Variants in LYZL6 observed in about 807,000 individuals in gnomAD.
LYZL6 encodes the protein lysozyme like 6.
In LYZL6, 21 loss-of-function variants were observed where a neutral mutation model predicts 15.0. That is an observed-to-expected ratio of 1.40 (90% confidence interval 1.00 to 2.02). LYZL6 has a LOEUF of 2.02. Among genes scored for constraint, LYZL6 ranks in the 30% most tolerant of loss-of-function variants. The pLI is 0.00. For missense variants in LYZL6, 173 were observed against 180.5 expected (o/e 0.96, Z 0.24); for synonymous variants, 72 against 67.8 (o/e 1.06, Z -0.31).
chr17:35,939,486 A>T lies in LYZL6; in HGVS notation c.-130T>A. ...GGTTTCCTTACTCACTCACTGCTCC[A>T]ACCTGGCTGTTTCCAATCTCTTTTC... is the stretch of plus-strand genomic sequence containing the variant. On this transcript the variant is annotated 5_prime_UTR_variant, in exon 2 of 5. Coordinates refer to ENST00000615905, the MANE Select transcript of LYZL6 (RefSeq NM_020426.4). 2 of 729,892 alleles carry T rather than the reference A, an allele frequency of 2.7e-6. No homozygotes were observed. Among genetic ancestry groups the T allele is most frequent in the Non-Finnish European group, 4.5e-6 (2 of 445,212 alleles). 45.2% of individuals were successfully genotyped at this position (729,892 alleles called of 1,614,324 possible).
chr17:35,935,135 G>C (rs1266967171), intron 4 of LYZL6, among the ~76,000 whole-genome samples: 1 of 144,998 alleles, frequency 6.9e-6, no homozygotes, highest in Non-Finnish European at 1.5e-5. Context: ...ACAGGGCTGA[G>C]AGTTACTTAT....
At chr17:35,936,627 C>A in intron 4 of LYZL6, 128 bp downstream of exon 4, 1 of 718,742 alleles carries the variant, frequency 1.4e-6, no homozygotes, top group Non-Finnish European at 2.4e-6. Context: ...GTTCCAAGCC[C>A]GTCCGCTATC....
At position 35,937,526 on chromosome 17, in the gene LYZL6, T is replaced by C. The variant is rs541905172; in HGVS notation, c.298+232A>G. Among the ~76,000 whole-genome samples, 4 of 152,362 alleles carry C rather than the reference T, an allele frequency of 2.6e-5. No homozygotes were observed. The South Asian group carries it at 6.2e-4, about 24-fold the overall frequency. ...ACATTGGCTGCTGCAACTGTTCTAC[T>C]ACTACCAGCTGTATACGGAGCCTTC... is the stretch of plus-strand genomic sequence containing the variant. On this transcript the variant is annotated intron_variant, in intron 3 of 4. Transcript: ENST00000615905.
At chr17:35,940,486 C>T (rs368502179) in intron 1 of LYZL6, among the ~76,000 whole-genome samples, 5 of 152,268 alleles carry the variant, frequency 3.3e-5, no homozygotes, top group East Asian at 1.9e-4. Context: ...AGATCTGAAA[C>T]GATGTTTTTT....
chr17:35,939,476 T>A lies in LYZL6; in HGVS notation c.-120A>T. ...AGGGCAGCCAGGTTTCCTTACTCAC[T>A]CACTGCTCCAACCTGGCTGTTTCCA... On this transcript the variant is annotated 5_prime_UTR_variant, in exon 2 of 5. Transcript: ENST00000615905. 1.1e-6 allele frequency: 1 copy of A among 874,818 alleles called. No homozygotes were observed. The highest frequency in any genetic ancestry group is 2.5e-5 in the East Asian group (1 of 40,696). 54.2% of individuals were successfully genotyped at this position (874,818 alleles called of 1,614,324 possible). A position where few individuals can be genotyped will look rare whatever the true frequency, so the allele number is the denominator to read the frequency against.
In LYZL6 at chr17:35,939,476, T is replaced by C. The variant is rs2089408237; in HGVS notation, c.-120A>G. The C allele has an allele frequency of 1.1e-6, 1 of 874,700 alleles. No homozygotes were observed. Among genetic ancestry groups the C allele is most frequent in the Admixed American group, 2.2e-5 (1 of 44,450 alleles). The allele number at this position is 874,700 out of a possible 1,614,324, so 54.2% of individuals were successfully genotyped here. On this transcript the variant is annotated 5_prime_UTR_variant, in exon 2 of 5. Transcript: ENST00000615905. The stretch of plus-strand genomic sequence containing the variant: ...AGGGCAGCCAGGTTTCCTTACTCAC[T>C]CACTGCTCCAACCTGGCTGTTTCCA...
intron 2 of LYZL6, among the ~76,000 whole-genome samples, chr17:35,938,526 G>A (rs1482534146): frequency 2.0e-5 from 3 of 151,552 alleles, no homozygotes; most frequent in Admixed American, 2.0e-4. Flanking sequence ...GCTGAGGCAG[G>A]AGAATGGTGT....
intron 1 of LYZL6, among the ~76,000 whole-genome samples, chr17:35,940,541 T>G (rs530028505): frequency 5.1e-4 from 77 of 152,250 alleles, no homozygotes; most frequent in Admixed American, 1.2e-3. Context: ...ATACAATTAA[T>G]TCAGTTAAAG....
In LYZL6 at chr17:35,936,803, A is replaced by T. The variant is rs1429115560; in HGVS notation, c.329T>A (p.Ile110Asn). 1 of 1,613,896 alleles carries T rather than the reference A, an allele frequency of 6.2e-7. No homozygotes were observed. The highest frequency in any genetic ancestry group is 2.2e-5 in the East Asian group (1 of 44,880). Residue 110 changes from isoleucine to asparagine, a missense_variant, in exon 4 of 5, where the codon ATC (isoleucine) becomes AAC (asparagine). Coordinates refer to ENST00000615905, the MANE Select transcript of LYZL6 (RefSeq NM_020426.4). ...DLLNPNLLAG[I>N]HCAKRIVSGA... The stretch of plus-strand genomic sequence containing the variant: ...GGACACAATCCTTTTTGCGCAGTGG[A>T]TGCCTGCAAGAAGGTTGGGATTCAG...
rs1257256958 is a variant in LYZL6 at position 35,939,233 on chromosome 17, A to G, written c.124T>C (p.Tyr42His). ...QLEDLDGFEG[Y>H]SLSDWLCLAF... Reference sequence around the variant, plus strand: ...TGGTACTCACAGTCACTCAGGGAGTAACCCTCAAACCCATCCAAGTCCTCC... The same window carrying G: ...TGGTACTCACAGTCACTCAGGGAGTGACCCTCAAACCCATCCAAGTCCTCC... The change falls in exon 2 of 5, where the codon TAC becomes CAC. Residue 42 changes from tyrosine to histidine, a missense_variant. By Grantham distance (83) the Tyr-to-His change is moderately conservative. Transcript: ENST00000615905. 1 of 1,613,768 alleles carries G rather than the reference A, an allele frequency of 6.2e-7. No homozygotes were observed. The highest frequency in any genetic ancestry group is 1.3e-5 in the African/African-American group (1 of 74,930).
intron 2 of LYZL6, 21 bp downstream of exon 2, chr17:35,939,197 G>A (rs2089403791): frequency 1.2e-6 from 2 of 1,607,364 alleles, no homozygotes; most frequent in South Asian, 1.1e-5. Flanking sequence ...AAATGGCTGG[G>A]GAGGGGCGGA....
intron 1 of LYZL6, among the ~76,000 whole-genome samples, 166 bp downstream of exon 1, chr17:35,943,401 A>C (rs2702951): frequency 0.64 from 94,922 of 147,860 alleles, 31,101 homozygotes; most frequent in East Asian, 0.79. Flanking sequence ...AGAATTTCAG[A>C]CAAACAACCT....
At chr17:35,937,480 T>A (rs1388192881) in intron 3 of LYZL6, among the ~76,000 whole-genome samples, 1 of 152,180 alleles carries the variant, frequency 6.6e-6, no homozygotes, top group Non-Finnish European at 1.5e-5. Flanking sequence ...AAGCACTTAG[T>A]GTATAATATT....
chr17:35,942,871 T>C (rs1054677913), intron 1 of LYZL6, among the ~76,000 whole-genome samples: 34 of 152,232 alleles, frequency 2.2e-4, no homozygotes, highest in Admixed American at 5.2e-4. Context: ...TGTGTGGGAA[T>C]AGACACAGAA....
intron 4 of LYZL6, 30 bp downstream of exon 4, chr17:35,936,725 G>C (rs780784547): frequency 4.4e-6 from 7 of 1,602,518 alleles, no homozygotes; most frequent in Admixed American, 1.7e-5. Flanking sequence ...GTGGGGCTCT[G>C]CCCGCTGAGT....
chr17:35,939,209 G>A lies in LYZL6; in HGVS notation c.139+9C>T, dbSNP rs992794528. On this transcript the variant is annotated intron_variant, in intron 2 of 4. Transcript: ENST00000615905. Reference sequence around the variant, plus strand: ...GAGAAATGGCTGGGGAGGGGCGGATGGTACTCACAGTCACTCAGGGAGTAA... The same window carrying A: ...GAGAAATGGCTGGGGAGGGGCGGATAGTACTCACAGTCACTCAGGGAGTAA... The A allele has an allele frequency of 6.2e-7, 1 of 1,611,310 alleles. No individual in the cohort carries two copies.
rs931012601 is a variant in LYZL6, at chr17:35,939,513, CTTGT to C, written c.-161_-158del. On this transcript the variant is annotated 5_prime_UTR_variant, in exon 2 of 5. Coordinates refer to ENST00000615905, the MANE Select transcript of LYZL6 (RefSeq NM_020426.4). ...CCTGGCTGTTTCCAATCTCTTTTCT[CTTGT>C]TTATTATTTTATAGATTTTTATTTA... The C allele has an allele frequency of 7.2e-6, 4 of 554,690 alleles. No individual in the cohort carries two copies. The highest frequency in any genetic ancestry group is 3.8e-5 in the South Asian group (1 of 26,066). The allele number at this position is 554,690 out of a possible 1,614,324, so 34.4% of individuals were successfully genotyped here. A position where few individuals can be genotyped will look rare whatever the true frequency, so the allele number is the denominator to read the frequency against.
intron 4 of LYZL6, among the ~76,000 whole-genome samples, chr17:35,935,818 T>A (rs1481643976): frequency 4.4e-5 from 6 of 136,332 alleles, no homozygotes; most frequent in Admixed American, 2.9e-4. Flanking sequence ...AGCCGCCACA[T>A]TTTTTTTTTT....
rs200965281 is a variant in LYZL6 at position 35,937,787 on chromosome 17, G to A, written c.269C>T (p.Ser90Leu). 2.4e-5 allele frequency: 38 copies of A among 1,614,032 alleles called. No individual in the cohort carries two copies. The highest frequency in any genetic ancestry group is 5.3e-5 in the African/African-American group (4 of 74,932). The change falls in exon 3 of 5, where the codon TCG becomes TTG. Residue 90 changes from serine to leucine, a missense_variant. Transcript: ENST00000615905. ...ACAGTCTACGTGGCAAAGGTTTTCC[G>A]AGTAACTCTTATAATCGTTGCACCA... ...HYWCNDYKSY[S>L]ENLCHVDCQD...
Sources: allele counts gnomAD v4.1 joint callset (sites outside exome capture counted in the v4.1 genomes callset), GRCh38; gene constraint gnomAD v4.1.1; transcripts MANE v1.5; gene names NCBI Gene and HGNC (gene_info 2026-07-23, HGNC 2026-07-21).